The following PCSK5 variants were observed in gnomAD, a reference collection of about 807,000 sequenced individuals.
PCSK5 encodes proprotein convertase subtilisin/kexin type 5.
PCSK5 carries 129 observed loss-of-function variants against 233.2 expected under a neutral mutation model. That is an observed-to-expected ratio of 0.55 (90% CI 0.48 to 0.64). PCSK5 has a LOEUF of 0.64. PCSK5 is among the 30% of genes least tolerant of loss of function. PCSK5 has a pLI of 0.00. For synonymous variants in PCSK5, 825 were observed against 879.2 expected, an observed-to-expected ratio of 0.94 and a Z score of 1.09; for missense variants, 2,076 against 2,430.1, an observed-to-expected ratio of 0.85 and a Z score of 3.06.
intron 24 of PCSK5, among the ~76,000 whole-genome samples, chr9:76,284,427 C>T (rs1190944732): frequency 6.6e-6 from 1 of 152,070 alleles, no homozygotes; most frequent in African/African-American, 2.4e-5. Flanking sequence ...TCTTGCCTGC[C>T]ACCATGTAAG....
At chr9:76,084,239 ATTATT>A (rs1830972907) in intron 7 of PCSK5, among the ~76,000 whole-genome samples, 1 of 152,262 alleles carries the variant, frequency 6.6e-6, no homozygotes, top group Non-Finnish European at 1.5e-5. Flanking sequence ...GTGGTTTCAC[ATTATT>A]TAATTGCACA....
intron 3 of PCSK5, among the ~76,000 whole-genome samples, chr9:76,007,796 T>TTTTG (rs377671504): frequency 7.8e-6 from 1 of 128,224 alleles, no homozygotes; most frequent in Admixed American, 7.9e-5. Context: ...CCGGCTAATT[T>TTTTG]TGTGTGTGTG....
At chr9:76,348,262 T>A (rs558104369) in intron 35 of PCSK5, among the ~76,000 whole-genome samples, 1 of 152,136 alleles carries the variant, frequency 6.6e-6, no homozygotes, top group South Asian at 2.1e-4. Context: ...TACAAAAAAA[T>A]TAGGCAAGTG....
chr9:76,024,776 A>T (rs1828347438), intron 4 of PCSK5, among the ~76,000 whole-genome samples: 1 of 152,170 alleles, frequency 6.6e-6, no homozygotes, highest in South Asian at 2.1e-4. Flanking sequence ...GTTCTTCTTT[A>T]TGTTGGACCT....
chr9:76,218,035 T>G (rs1241099753), intron 20 of PCSK5, among the ~76,000 whole-genome samples: 1 of 152,068 alleles, frequency 6.6e-6, no homozygotes, highest in Non-Finnish European at 1.5e-5. Context: ...ACCCACTCAG[T>G]GAAGAAGCAG....
intron 36 of PCSK5, among the ~76,000 whole-genome samples, chr9:76,352,575 C>T (rs1830194708): frequency 6.6e-6 from 1 of 151,840 alleles, no homozygotes; most frequent in African/African-American, 2.4e-5. Context: ...ACCATGTTGC[C>T]CAGGCTGGTC....
At chr9:76,054,177 G>A (rs1829739708) in intron 5 of PCSK5, among the ~76,000 whole-genome samples, 1 of 152,102 alleles carries the variant, frequency 6.6e-6, no homozygotes, top group African/African-American at 2.4e-5. Flanking sequence ...CTCCCAACTG[G>A]TCCCTCCGAG....
chr9:76,201,682 T>G (rs1472914761), intron 20 of PCSK5, among the ~76,000 whole-genome samples: 1 of 152,156 alleles, frequency 6.6e-6, no homozygotes, highest in African/African-American at 2.4e-5. Context: ...GGAGTCAATA[T>G]TTGATCATTA....
intron 7 of PCSK5, among the ~76,000 whole-genome samples, chr9:76,093,899 T>C (rs1426067314): frequency 6.6e-6 from 1 of 152,216 alleles, no homozygotes; most frequent in Non-Finnish European, 1.5e-5. Context: ...ACCATAGTGA[T>C]GCATAATCCC....
intron 24 of PCSK5, among the ~76,000 whole-genome samples, chr9:76,259,105 A>G (rs917464619): frequency 1.3e-5 from 2 of 152,224 alleles, no homozygotes; most frequent in East Asian, 1.9e-4. Context: ...TGGGAATTCT[A>G]TAATATGTCT....
chr9:76,153,407 G>T (rs1823753732), intron 10 of PCSK5, among the ~76,000 whole-genome samples: 1 of 152,104 alleles, frequency 6.6e-6, no homozygotes, highest in African/African-American at 2.4e-5. Flanking sequence ...ATTTGAACTG[G>T]TCGGGATTCC....
At chr9:75,912,294 G>A (rs185000722) in intron 1 of PCSK5, among the ~76,000 whole-genome samples, 77 of 152,296 alleles carry the variant, frequency 5.1e-4, no homozygotes, top group African/African-American at 1.8e-3. Flanking sequence ...TGCAAAGGCC[G>A]TGGACAGGAG....
intron 1 of PCSK5, among the ~76,000 whole-genome samples, chr9:75,917,813 C>T (rs1390165908): frequency 6.6e-6 from 1 of 152,146 alleles, no homozygotes; most frequent in African/African-American, 2.4e-5. Context: ...AAACATTTTA[C>T]TTGAAAAGAG....
intron 20 of PCSK5, chr9:76,209,416 A>G: frequency 2.3e-6 from 1 of 429,520 alleles, no homozygotes; most frequent in Non-Finnish European, 4.6e-6. Flanking sequence ...TTTACTTTAT[A>G]TCTCCTGTGT....
At chr9:75,934,194 T>C (rs936999418) in intron 2 of PCSK5, among the ~76,000 whole-genome samples, 3 of 151,434 alleles carry the variant, frequency 2.0e-5, no homozygotes, top group Non-Finnish European at 4.4e-5. Flanking sequence ...CAAGGGTACA[T>C]GCTGCACTCC....
chr9:76,058,046 G>A (rs750684895), intron 5 of PCSK5, among the ~76,000 whole-genome samples: 5 of 151,794 alleles, frequency 3.3e-5, no homozygotes, highest in Non-Finnish European at 7.4e-5. Context: ...ACAGGGTCTT[G>A]GCATGTTGCT....
At chr9:76,017,882 A>G (rs371383512) in intron 3 of PCSK5, among the ~76,000 whole-genome samples, 66 of 152,092 alleles carry the variant, frequency 4.3e-4, no homozygotes, top group African/African-American at 1.3e-3. Flanking sequence ...GCAGTTTTAG[A>G]GGCACAGAAT....
intron 28 of PCSK5, among the ~76,000 whole-genome samples, chr9:76,307,221 T>C (rs944312462): frequency 3.3e-5 from 5 of 152,168 alleles, no homozygotes; most frequent in Non-Finnish European, 7.3e-5. Flanking sequence ...ATAGCTGGGA[T>C]CTGAAGGCAG....
chr9:76,234,779 T>C (rs1405293553), intron 22 of PCSK5, among the ~76,000 whole-genome samples: 1 of 152,238 alleles, frequency 6.6e-6, no homozygotes, highest in African/African-American at 2.4e-5. Flanking sequence ...GCACTTGGAA[T>C]ATTAACTGTT....
Sources: allele counts gnomAD v4.1 joint callset (sites outside exome capture counted in the v4.1 genomes callset), GRCh38; gene constraint gnomAD v4.1.1; transcripts MANE v1.5; gene names NCBI Gene and HGNC (gene_info 2026-07-23, HGNC 2026-07-21).